The following ARMC8 variants were observed in gnomAD, a reference collection of about 807,000 sequenced individuals.
ARMC8 encodes armadillo repeat containing 8.
Under a neutral mutation model 99.3 loss-of-function variants are expected in ARMC8, and 20 were observed. That is an observed-to-expected ratio of 0.20 (90% CI 0.14 to 0.29). The LOEUF is 0.29. Among genes scored for constraint, ARMC8 ranks in the 10% least tolerant of loss-of-function variants. The probability of loss-of-function intolerance (pLI) is 1.00; values close to 1 mark genes in which losing one functional copy is unlikely to be tolerated. For missense variants in ARMC8, 569 were observed against 809.5 expected (o/e 0.70, Z 3.60); for synonymous variants, 263 against 278.3 (o/e 0.95, Z 0.55).
intron 19 of ARMC8, among the ~76,000 whole-genome samples, chr3:138,286,056 G>C (rs1380248733): frequency 1.3e-5 from 2 of 152,138 alleles, no homozygotes; most frequent in East Asian, 1.9e-4. Flanking sequence ...CGATTCTCCT[G>C]CCTCAGCCTC....
chr3:138,263,596 C>T (rs760408415), intron 12 of ARMC8, 143 bp from the exon 13 acceptor site: 6 of 738,216 alleles, frequency 8.1e-6, no homozygotes, highest in African/African-American at 1.7e-5. Context: ...CCGCCCCCAG[C>T]GCAAGATGAT....
intron 11 of ARMC8, 22 bp from the exon 12 acceptor site, chr3:138,245,066 C>T: frequency 6.2e-7 from 1 of 1,612,512 alleles, no homozygotes; most frequent in Non-Finnish European, 8.5e-7. Context: ...TGAGTTGGAA[C>T]ATATCCTTTT....
At chr3:138,191,492 CA>C (rs1347359030) in intron 1 of ARMC8, among the ~76,000 whole-genome samples, 1 of 152,146 alleles carries the variant, frequency 6.6e-6, no homozygotes, top group Non-Finnish European at 1.5e-5. Context: ...ATTATAGTAT[CA>C]AAACAAGGAA....
intron 1 of ARMC8, chr3:138,188,501 A>G: frequency 6.2e-7 from 1 of 1,613,952 alleles, no homozygotes; most frequent in East Asian, 2.2e-5. Context: ...GGATTTTGCA[A>G]CAAATTCGAG....
At chr3:138,218,480 T>G (rs1215131616) in intron 2 of ARMC8, among the ~76,000 whole-genome samples, 4 of 152,164 alleles carry the variant, frequency 2.6e-5, no homozygotes, top group Non-Finnish European at 4.4e-5. Flanking sequence ...AACATGCCAT[T>G]TTCATTTCCA....
intron 1 of ARMC8, among the ~76,000 whole-genome samples, chr3:138,190,782 G>A (rs192739646): frequency 3.9e-4 from 60 of 152,322 alleles, no homozygotes; most frequent in East Asian, 3.9e-4. Context: ...CAAGCATGGT[G>A]TTGAGTTTGG....
chr3:138,263,195 C>A (rs1038022288), intron 12 of ARMC8, among the ~76,000 whole-genome samples: 2 of 152,212 alleles, frequency 1.3e-5, no homozygotes, highest in Non-Finnish European at 2.9e-5. Flanking sequence ...TAAGTTGAAA[C>A]AATAAAGCTT....
At chr3:138,193,288 T>C (rs2043499309) in intron 1 of ARMC8, among the ~76,000 whole-genome samples, 1 of 151,382 alleles carries the variant, frequency 6.6e-6, no homozygotes. Context: ...TTTGAGAGAG[T>C]TTTGCTCTGT....
At chr3:138,202,613 A>G (rs2044144159) in intron 1 of ARMC8, among the ~76,000 whole-genome samples, 1 of 152,202 alleles carries the variant, frequency 6.6e-6, no homozygotes, top group Non-Finnish European at 1.5e-5. Flanking sequence ...TCACCATTTT[A>G]TTATTAAAGA....
At chr3:138,204,939 A>G (rs1439435651) in intron 1 of ARMC8, among the ~76,000 whole-genome samples, 1 of 152,072 alleles carries the variant, frequency 6.6e-6, no homozygotes, top group Non-Finnish European at 1.5e-5. Flanking sequence ...TTGGATGTCT[A>G]ATATGATTCT....
At chr3:138,246,816 C>T in intron 12 of ARMC8, 1 of 974,240 alleles carries the variant, frequency 1.0e-6, no homozygotes, top group African/African-American at 1.8e-5. Flanking sequence ...TGTATAATTT[C>T]CTGGTAAGGC....
At chr3:138,256,063 T>C (rs553006930) in intron 12 of ARMC8, among the ~76,000 whole-genome samples, 1 of 152,358 alleles carries the variant, frequency 6.6e-6, no homozygotes, top group African/African-American at 2.4e-5. Context: ...ACATCTTACA[T>C]TGGAGCAGTG....
intron 12 of ARMC8, among the ~76,000 whole-genome samples, chr3:138,257,164 T>G (rs532151078): frequency 1.3e-5 from 2 of 152,236 alleles, no homozygotes; most frequent in African/African-American, 4.8e-5. Flanking sequence ...AGTAAGAGAA[T>G]TGGTTTTCCA....
intron 2 of ARMC8, among the ~76,000 whole-genome samples, chr3:138,218,246 T>C (rs1432617743): frequency 6.6e-6 from 1 of 152,206 alleles, no homozygotes; most frequent in African/African-American, 2.4e-5. Context: ...ATCAGCCACT[T>C]AGTTGTCCCT....
At chr3:138,244,557 C>T (rs1559981877) in intron 11 of ARMC8, among the ~76,000 whole-genome samples, 1 of 152,136 alleles carries the variant, frequency 6.6e-6, no homozygotes, top group Non-Finnish European at 1.5e-5. Context: ...GGATTACAGG[C>T]GTGAGCCACC....
intron 10 of ARMC8, among the ~76,000 whole-genome samples, chr3:138,240,000 T>G (rs1022031125): frequency 1.3e-5 from 2 of 152,202 alleles, no homozygotes; most frequent in Non-Finnish European, 2.9e-5. Flanking sequence ...TGATATGTCA[T>G]ATACAACTTG....
chr3:138,246,578 GAGA>G (rs923514015), intron 12 of ARMC8: 31 of 985,462 alleles, frequency 3.1e-5, no homozygotes, highest in African/African-American at 5.2e-5. Flanking sequence ...TTAGAAACAG[GAGA>G]AGTATTTTAC....
At chr3:138,195,234 C>T (rs1288367058) in intron 1 of ARMC8, among the ~76,000 whole-genome samples, 2 of 150,724 alleles carry the variant, frequency 1.3e-5, no homozygotes, top group Non-Finnish European at 3.0e-5. Flanking sequence ...GCCGAGATTG[C>T]GCCACTGCAG....
At chr3:138,270,289 T>G in intron 16 of ARMC8, among the ~76,000 whole-genome samples, 157 bp downstream of exon 16, 1 of 152,208 alleles carries the variant, frequency 6.6e-6, no homozygotes, top group East Asian at 1.9e-4. Context: ...CTAGAAGGCT[T>G]AGTATTAAAC....
Sources: gnomAD v4.1 joint callset for allele counts (sites outside exome capture counted in the v4.1 genomes callset) on GRCh38, gnomAD v4.1.1 for gene constraint, MANE v1.5 for transcripts, NCBI Gene and HGNC (gene_info 2026-07-23, HGNC 2026-07-21) for gene names.